CSMD3: variants seen among roughly 807,000 people sequenced by gnomAD.
CSMD3 encodes CUB and sushi domain-containing protein 3.
A neutral mutation model predicts 435.2 loss-of-function variants in CSMD3; 177 were observed. The observed-to-expected ratio is 0.41, with a 90% CI of 0.36 to 0.46. The LOEUF (loss-of-function observed/expected upper bound fraction) is 0.46. CSMD3 is among the 20% of genes least tolerant of loss of function. The pLI, the probability that CSMD3 is intolerant of heterozygous loss-of-function variation, is 0.34. For synonymous variants in CSMD3, 1,656 were observed against 1,520.5 expected, an observed-to-expected ratio of 1.09 and a Z score of -2.07; for missense variants, 4,265 against 4,504.6, an observed-to-expected ratio of 0.95 and a Z score of 1.52.
At chr8:112,787,620 C>T (rs971949485) in intron 13 of CSMD3, among the ~76,000 whole-genome samples, 10 of 152,096 alleles carry the variant, frequency 6.6e-5, no homozygotes, top group African/African-American at 2.4e-4. Flanking sequence ...AAAAGGTGAG[C>T]TCCTGTCATT....
intron 1 of CSMD3, among the ~76,000 whole-genome samples, chr8:113,358,954 G>T (rs1301154557): frequency 6.6e-6 from 1 of 151,984 alleles, no homozygotes; most frequent in Non-Finnish European, 1.5e-5. Context: ...AAATAAAAAA[G>T]CTGCTCGGTT....
intron 18 of CSMD3, among the ~76,000 whole-genome samples, chr8:112,652,178 T>G (rs1004145785): frequency 1.3e-5 from 2 of 152,160 alleles, no homozygotes; most frequent in African/African-American, 4.8e-5. Flanking sequence ...TTCTAAATTG[T>G]CATTATCTCC....
At chr8:112,383,743 A>G in intron 36 of CSMD3, 80 bp from the exon 37 acceptor site, 1 of 904,650 alleles carries the variant, frequency 1.1e-6, no homozygotes, top group Non-Finnish European at 1.9e-6. Flanking sequence ...CCCCCTTGGA[A>G]AAGAGAGTTC....
intron 4 of CSMD3, among the ~76,000 whole-genome samples, chr8:113,102,692 G>C (rs2090364667): frequency 6.6e-6 from 1 of 152,062 alleles, no homozygotes; most frequent in African/African-American, 2.4e-5. Flanking sequence ...AGAGGGAAGG[G>C]TGTTCCTGCA....
At chr8:112,822,407 T>A (rs2079553349) in intron 12 of CSMD3, among the ~76,000 whole-genome samples, 1 of 152,164 alleles carries the variant, frequency 6.6e-6, no homozygotes, top group South Asian at 2.1e-4. Flanking sequence ...TTATTCTCTT[T>A]GTAGCAATTG....
intron 27 of CSMD3, among the ~76,000 whole-genome samples, chr8:112,530,643 A>C (rs1825435393): frequency 6.6e-6 from 1 of 152,194 alleles, no homozygotes; most frequent in Admixed American, 6.5e-5. Flanking sequence ...AATGCCAAGA[A>C]AGTTCTTCAA....
At chr8:112,503,056 CT>C (rs539701287) in intron 30 of CSMD3, among the ~76,000 whole-genome samples, 179 of 152,226 alleles carry the variant, frequency 1.2e-3, no homozygotes, top group Admixed American at 3.9e-3. Flanking sequence ...TATTTCTTCT[CT>C]TTATTATGAA....
At chr8:113,318,102 C>A (rs1346655225) in intron 1 of CSMD3, among the ~76,000 whole-genome samples, 1 of 152,072 alleles carries the variant, frequency 6.6e-6, no homozygotes, top group Non-Finnish European at 1.5e-5. Context: ...TATCCTTGTG[C>A]ACTTGCTTGA....
chr8:112,263,501 T>C lies in CSMD3; in HGVS notation c.9862+138A>G, dbSNP rs994437463. ...GGAGAAACATAATGACTTAATTACA[T>C]GAAAAGTAGCTACATTGGTAAATAC... On this transcript the variant is annotated intron_variant, in intron 61 of 70. Transcript: ENST00000297405. The C allele has an allele frequency of 3.0e-5, 21 of 703,812 alleles. No individual in the cohort carries two copies. In the African/African-American group the frequency reaches 3.4e-4, roughly 11 times the overall value. The allele number at this position is 703,812 out of a possible 1,614,324, so 43.6% of individuals were successfully genotyped here.
chr8:113,239,847 A>G (rs1190306138), intron 3 of CSMD3, among the ~76,000 whole-genome samples: 1 of 152,186 alleles, frequency 6.6e-6, no homozygotes, highest in Non-Finnish European at 1.5e-5. Flanking sequence ...AAATGTTGGT[A>G]GAAATCTGGA....
intron 2 of CSMD3, 141 bp from the exon 3 acceptor site, chr8:113,278,845 C>T (rs1361012908): frequency 4.9e-6 from 3 of 609,138 alleles, no homozygotes; most frequent in Admixed American, 2.3e-5. Flanking sequence ...CCAGCCAACA[C>T]CTTGATTTCA....
chr8:113,042,427 T>C (rs1207594240), intron 5 of CSMD3, among the ~76,000 whole-genome samples: 1 of 152,174 alleles, frequency 6.6e-6, no homozygotes, highest in Non-Finnish European at 1.5e-5. Flanking sequence ...TAGTTTTCTT[T>C]ACAGTACCTG....
At chr8:112,511,439 G>A (rs1437435967) in intron 28 of CSMD3, among the ~76,000 whole-genome samples, 3 of 148,216 alleles carry the variant, frequency 2.0e-5, no homozygotes, top group African/African-American at 7.5e-5. Flanking sequence ...GCCTAGGCTG[G>A]AGTGCAGTGG....
At chr8:112,227,577 C>T (rs1156495537) in intron 70 of CSMD3, among the ~76,000 whole-genome samples, 2 of 151,954 alleles carry the variant, frequency 1.3e-5, no homozygotes, top group African/African-American at 4.8e-5. Flanking sequence ...TCTATTTTAC[C>T]ACAATTTTTA....
intron 1 of CSMD3, among the ~76,000 whole-genome samples, chr8:113,427,091 T>G (rs1279146639): frequency 6.6e-6 from 1 of 151,208 alleles, no homozygotes; most frequent in Non-Finnish European, 1.5e-5. Context: ...TAACAACAAA[T>G]AAAGCTTTAA....
At chr8:112,546,625 T>C (rs1827204362) in intron 27 of CSMD3, among the ~76,000 whole-genome samples, 1 of 152,150 alleles carries the variant, frequency 6.6e-6, no homozygotes, top group African/African-American at 2.4e-5. Flanking sequence ...AATGACAGCA[T>C]GATACCCAAT....
At chr8:112,358,480 C>T (rs1826858825) in intron 38 of CSMD3, among the ~76,000 whole-genome samples, 1 of 152,122 alleles carries the variant, frequency 6.6e-6, no homozygotes, top group African/African-American at 2.4e-5. Flanking sequence ...ACCCACATCT[C>T]ATCTTGAATT....
intron 62 of CSMD3, 70 bp downstream of exon 62, chr8:112,255,180 TAAAG>T: frequency 1.6e-6 from 2 of 1,277,024 alleles, no homozygotes; most frequent in Non-Finnish European, 2.3e-6. Context: ...GGTTATAGGA[TAAAG>T]AAAACCATTA....
At chr8:112,481,881 C>A (rs1024076245) in intron 31 of CSMD3, among the ~76,000 whole-genome samples, 1 of 152,074 alleles carries the variant, frequency 6.6e-6, no homozygotes, top group Non-Finnish European at 1.5e-5. Flanking sequence ...CCCTTCATGT[C>A]TTTTTATGTC....
Sources: gnomAD v4.1 joint callset for allele counts (sites outside exome capture counted in the v4.1 genomes callset) on GRCh38, gnomAD v4.1.1 for gene constraint, MANE v1.5 for transcripts, NCBI Gene and HGNC (gene_info 2026-07-23, HGNC 2026-07-21) for gene names.